The following DRC8 variants were observed in gnomAD, a reference collection of about 807,000 sequenced individuals.
The protein encoded by DRC8 is dynein regulatory complex subunit 8.
the DRC8 span, among the ~76,000 whole-genome samples, chr1:245,012,755 T>C: frequency 1.3e-5 from 2 of 152,224 alleles, no homozygotes; most frequent in Non-Finnish European, 2.9e-5. Context: ...TATTCTAAAA[T>C]GTTAATTCTC....
chr1:245,086,569 T>C, the DRC8 span, among the ~76,000 whole-genome samples: 1 of 152,194 alleles, frequency 6.6e-6, no homozygotes, highest in Non-Finnish European at 1.5e-5. Context: ...AGTCCCTAAG[T>C]GTCCAGGAAT....
chr1:245,092,289 G>A, the DRC8 span, among the ~76,000 whole-genome samples: 2 of 152,196 alleles, frequency 1.3e-5, no homozygotes, highest in African/African-American at 4.8e-5. Context: ...GGCTAGTTGG[G>A]ATTACGACTG....
At chr1:244,970,002 A>G in the DRC8 span, 1 of 541,548 alleles carries the variant, frequency 1.8e-6, no homozygotes, top group Non-Finnish European at 3.3e-6. Context: ...ACAAAAATCG[A>G]GCAACGCCAC....
chr1:245,036,116 G>A, the DRC8 span, among the ~76,000 whole-genome samples: 1 of 152,148 alleles, frequency 6.6e-6, no homozygotes, highest in Non-Finnish European at 1.5e-5. Flanking sequence ...CAGAGTGGGA[G>A]AAAATATTTG....
At chr1:245,098,228 C>G in the DRC8 span, among the ~76,000 whole-genome samples, 41 of 152,174 alleles carry the variant, frequency 2.7e-4, no homozygotes, top group African/African-American at 8.4e-4. Context: ...GGGGGAAGAT[C>G]GAGAGTGTGG....
the DRC8 span, among the ~76,000 whole-genome samples, chr1:245,099,913 A>T: frequency 9.9e-4 from 151 of 152,306 alleles, no homozygotes; most frequent in African/African-American, 3.5e-3. Flanking sequence ...CCCGCCGGCC[A>T]TCAACTCGAG....
chr1:245,080,543 C>T, the DRC8 span, among the ~76,000 whole-genome samples: 2 of 152,238 alleles, frequency 1.3e-5, no homozygotes, highest in Admixed American at 6.5e-5. Context: ...CAGGGAAAAG[C>T]ATCACCTTAT....
chr1:244,975,878 A>T, the DRC8 span, among the ~76,000 whole-genome samples: 2 of 152,074 alleles, frequency 1.3e-5, no homozygotes, highest in Admixed American at 1.3e-4. Flanking sequence ...TAAATAAATA[A>T]ATAAAAAATA....
At chr1:245,093,814 C>T in the DRC8 span, among the ~76,000 whole-genome samples, 135 of 152,140 alleles carry the variant, frequency 8.9e-4, no homozygotes, top group African/African-American at 3.2e-3. Context: ...CTATGAAAAT[C>T]GGGCCATGGT....
chr1:245,024,475 T>C, the DRC8 span, among the ~76,000 whole-genome samples: 37 of 152,224 alleles, frequency 2.4e-4, no homozygotes, highest in South Asian at 1.9e-3. Flanking sequence ...TTATCAAGCA[T>C]TGGGATTTTT....
chr1:245,038,613 T>C, the DRC8 span, among the ~76,000 whole-genome samples: 2 of 146,638 alleles, frequency 1.4e-5, no homozygotes, highest in East Asian at 1.9e-4. Flanking sequence ...AAAGTTAATA[T>C]AGGATATAAA....
chr1:245,021,308 G>A, the DRC8 span, among the ~76,000 whole-genome samples: 2 of 152,040 alleles, frequency 1.3e-5, no homozygotes, highest in Non-Finnish European at 2.9e-5. Flanking sequence ...GGAGTTATCA[G>A]ACCAAAAAGT....
chr1:245,084,067 C>CCCA, the DRC8 span, among the ~76,000 whole-genome samples: 1 of 118,124 alleles, frequency 8.5e-6, no homozygotes. Flanking sequence ...ATTCCGCCCC[C>CCCA]CCCCCGGCGC....
the DRC8 span, among the ~76,000 whole-genome samples, chr1:245,031,528 G>A: frequency 6.6e-6 from 1 of 152,158 alleles, no homozygotes; most frequent in African/African-American, 2.4e-5. Context: ...ACCACAAGAT[G>A]GAAGGAGCTG....
chr1:245,050,021 G>A, the DRC8 span, among the ~76,000 whole-genome samples: 3 of 152,200 alleles, frequency 2.0e-5, no homozygotes, highest in Non-Finnish European at 4.4e-5. Context: ...ATAAGTCACT[G>A]TAGAACTGGA....
chr1:245,000,964 C>T, the DRC8 span, among the ~76,000 whole-genome samples: 1 of 151,798 alleles, frequency 6.6e-6, no homozygotes, highest in Non-Finnish European at 1.5e-5. Flanking sequence ...GAGGAGACTG[C>T]AGCAGCCAGC....
At chr1:244,972,395 G>T in the DRC8 span, among the ~76,000 whole-genome samples, 1 of 152,192 alleles carries the variant, frequency 6.6e-6, no homozygotes, top group South Asian at 2.1e-4. Context: ...GAGTAGTCTG[G>T]GTGCCAACCA....
the DRC8 span, among the ~76,000 whole-genome samples, chr1:245,112,157 C>T: frequency 6.6e-6 from 1 of 152,270 alleles, no homozygotes; most frequent in African/African-American, 2.4e-5. Flanking sequence ...TCACTGCAAC[C>T]TCCGCCTCCC....
chr1:244,992,785 C>G, the DRC8 span, among the ~76,000 whole-genome samples: 3 of 152,178 alleles, frequency 2.0e-5, no homozygotes, highest in African/African-American at 7.2e-5. Flanking sequence ...ATGAATTTGA[C>G]GTAGTGCCTG....
Sources: gnomAD v4.1 joint callset for allele counts (sites outside exome capture counted in the v4.1 genomes callset) on GRCh38, gnomAD v4.1.1 for gene constraint, MANE v1.5 for transcripts, NCBI Gene and HGNC (gene_info 2026-07-23, HGNC 2026-07-21) for gene names.